The following CD84 variants were observed in gnomAD, a reference collection of about 807,000 sequenced individuals.
The protein encoded by CD84 is CD84 molecule.
CD84 carries 22 observed loss-of-function variants against 33.8 expected under a neutral mutation model. The ratio of observed to expected loss-of-function variants is 0.65; its 90% confidence interval spans 0.46 to 0.93. The LOEUF (loss-of-function observed/expected upper bound fraction) is 0.93, where lower values mean the gene tolerates loss of function less well. Among genes scored for constraint, CD84 ranks in the 40% least tolerant of loss-of-function variants. The pLI, the probability that CD84 is intolerant of heterozygous loss-of-function variation, is 0.00. For synonymous variants in CD84, 154 were observed against 145.2 expected (o/e 1.06, Z -0.44); for missense variants, 400 against 397.6 (o/e 1.01, Z -0.05).
In CD84 at chr1:160,542,637, T is replaced by C. The variant is rs1311804598; in HGVS notation, c.*5619A>G. The C allele has an allele frequency of 2.0e-5, 3 of 152,222 alleles. No homozygotes were observed. The highest frequency in any genetic ancestry group is 2.9e-5 in the Non-Finnish European group (2 of 68,032). The allele number at this position is 152,222 out of a possible 1,614,324, so 9.4% of individuals were successfully genotyped here. On this transcript the variant is annotated 3_prime_UTR_variant, in exon 7 of 7. Coordinates refer to ENST00000368054, the MANE Select transcript of CD84 (RefSeq NM_003874.4). ...TTTGGCCATTTTCCAGTCTCAGAAT[T>C]GATCCATCCCAAACCCAGAGACTTG...
chr1:160,571,716 G>A (rs1437970773), intron 1 of CD84, among the ~76,000 whole-genome samples: 1 of 152,136 alleles, frequency 6.6e-6, no homozygotes, highest in African/African-American at 2.4e-5. Flanking sequence ...TGTCCCCAGT[G>A]GGCCTGCTCT....
At chr1:160,567,590 C>T (rs1657410335) in intron 1 of CD84, among the ~76,000 whole-genome samples, 2 of 152,088 alleles carry the variant, frequency 1.3e-5, no homozygotes, top group Admixed American at 1.3e-4. Flanking sequence ...AACAGGACAT[C>T]GTTGCAGCCC....
At chr1:160,560,066 T>C (rs1656852369) in intron 2 of CD84, among the ~76,000 whole-genome samples, 1 of 152,032 alleles carries the variant, frequency 6.6e-6, no homozygotes, top group African/African-American at 2.4e-5. Context: ...ACACCCTACT[T>C]ACCATATTAG....
Position 160,554,037 on chromosome 1 carries a change from G to T in CD84, c.498C>A (p.Tyr166Ter). Reference protein sequence around the residue: ...SVEKEEKNVTYNWSPLGEEGN... With the variant: ...SVEKEEKNVT ...CCTCTTCTCCCAGGGGACTCCAATT[G>T]TATGTCACATTCTTTTCTTCTTTCT... is the stretch of plus-strand genomic sequence containing the variant. Residue 166 changes from tyrosine (Y) to a stop codon, truncating the protein, a stop_gained, in exon 3 of 7, where the codon TAC becomes TAA. Coordinates refer to ENST00000368054, the MANE Select transcript of CD84 (RefSeq NM_003874.4). LOFTEE classifies it high-confidence loss of function. 6.2e-7 allele frequency: 1 copy of T among 1,614,186 alleles called. No homozygotes were observed. The highest frequency in any genetic ancestry group is 8.5e-7 in the Non-Finnish European group (1 of 1,180,034).
rs1557989426 is a variant in CD84, at chr1:160,579,267, T to C, written c.46+125A>G. On this transcript the variant is annotated intron_variant, in intron 1 of 6. Transcript: ENST00000368054. ...GCCAGTTGGATCCTGTTGAGTACAG[T>C]AGATACTGAGACCCAGGGTGTTCTG... 10 of 1,314,562 alleles carry C rather than the reference T, an allele frequency of 7.6e-6. 1 individual carries two copies. The highest frequency in any genetic ancestry group is 6.4e-6 in the Non-Finnish European group (6 of 935,838). The allele number at this position is 1,314,562 out of a possible 1,614,324, so 81.4% of individuals were successfully genotyped here.
rs1022442333 is a variant in CD84, at chr1:160,541,857, C to T, written c.*6399G>A. The stretch of plus-strand genomic sequence containing the variant: ...AGATTGCTCTTTATGTAATAGCAAC[C>T]CAGGTAACACGTGATAAAGCAATGA... On this transcript the variant is annotated 3_prime_UTR_variant, in exon 7 of 7. Coordinates refer to ENST00000368054, the MANE Select transcript of CD84 (RefSeq NM_003874.4). 1.3e-5 allele frequency: 2 copies of T among 152,066 alleles called. No individual in the cohort carries two copies. Among genetic ancestry groups the T allele is most frequent in the Non-Finnish European group, 1.5e-5 (1 of 68,042 alleles). 9.4% of individuals were successfully genotyped at this position (152,066 alleles called of 1,614,324 possible).
intron 1 of CD84, among the ~76,000 whole-genome samples, 193 bp from the exon 2 acceptor site, chr1:160,565,938 G>A (rs532757123): frequency 6.6e-6 from 1 of 150,814 alleles, no homozygotes; most frequent in South Asian, 2.1e-4. Flanking sequence ...ATTTTCTAAC[G>A]CATTCTCATT....
In CD84 at chr1:160,565,450, C is replaced by G. The variant is rs1440709084; in HGVS notation, c.342G>C (p.Gln114His). 5 of 1,613,482 alleles carry G rather than the reference C, an allele frequency of 3.1e-6. No homozygotes were observed. In the African/African-American group the frequency reaches 6.7e-5, roughly 22 times the overall value. The part of the protein sequence containing the change: ...AGDYKADINT[Q>H]ADPYTTTKRY... ...GCTTGGTGGTGGTGTAGGGATCAGC[C>G]TGTGTATTTATGTCTGCTTTGTAGT... The change falls in exon 2 of 7, where the codon CAG becomes CAC. Residue 114 changes from glutamine to histidine, a missense_variant. Coordinates refer to ENST00000368054, the MANE Select transcript of CD84 (RefSeq NM_003874.4).
chr1:160,571,987 C>T (rs1215800120), intron 1 of CD84, among the ~76,000 whole-genome samples: 1 of 150,916 alleles, frequency 6.6e-6, no homozygotes, highest in Non-Finnish European at 1.5e-5. Context: ...CACACCCTCA[C>T]CTGAAGTGGA....
intron 2 of CD84, among the ~76,000 whole-genome samples, chr1:160,563,434 A>G (rs1015742255): frequency 2.6e-5 from 4 of 152,234 alleles, no homozygotes; most frequent in African/African-American, 9.6e-5. Context: ...GAACAAGATC[A>G]TGTCCTTTTC....
intron 2 of CD84, among the ~76,000 whole-genome samples, chr1:160,554,796 A>G (rs1656494040): frequency 6.6e-6 from 1 of 151,868 alleles, no homozygotes; most frequent in South Asian, 2.1e-4. Flanking sequence ...CATCAATTAC[A>G]ACTATAAGCT....
At chr1:160,570,817 C>G (rs1471462514) in intron 1 of CD84, 1 of 152,292 alleles carries the variant, frequency 6.6e-6, no homozygotes, top group East Asian at 1.9e-4. Flanking sequence ...AAGCCAAGAC[C>G]ACACCACTGC....
intron 2 of CD84, among the ~76,000 whole-genome samples, chr1:160,556,971 T>C (rs571641726): frequency 1.8e-4 from 28 of 152,354 alleles, no homozygotes; most frequent in African/African-American, 6.5e-4. Context: ...GACTACATTA[T>C]TCAAGCCTAG....
chr1:160,550,194 C>T (rs948073718), intron 5 of CD84, among the ~76,000 whole-genome samples: 33 of 151,622 alleles, frequency 2.2e-4, no homozygotes, highest in Admixed American at 1.0e-3. Flanking sequence ...GGCAGGGTCT[C>T]GGGGGTGAAA....
rs571852869 is a variant in CD84 at position 160,575,818 on chromosome 1, G to A, written c.46+3574C>T. ...GCACCGACCATCAGGCTCCTGTTGC[G>A]AAGGTGCTCTGGCTGCCTTGTTGGC... On this transcript the variant is annotated intron_variant, in intron 1 of 6. Coordinates refer to ENST00000368054, the MANE Select transcript of CD84 (RefSeq NM_003874.4). Among the ~76,000 whole-genome samples the A allele has an allele frequency of 9.2e-5, 14 of 152,260 alleles. No homozygotes were observed. In the East Asian group the frequency reaches 1.7e-3, roughly 19 times the overall value.
intron 1 of CD84, among the ~76,000 whole-genome samples, chr1:160,566,544 T>C (rs1657335787): frequency 6.6e-6 from 1 of 152,224 alleles, no homozygotes; most frequent in Non-Finnish European, 1.5e-5. Context: ...TAATTTATAA[T>C]GTAAGTGTTT....
rs1655538154 is a variant in CD84 at position 160,541,486 on chromosome 1, T to C, written c.*6770A>G. On this transcript the variant is annotated 3_prime_UTR_variant, in exon 7 of 7. Coordinates refer to ENST00000368054, the MANE Select transcript of CD84 (RefSeq NM_003874.4). ...TCTATATAATTATCAGAGAATGTGA[T>C]AAAAAGCTACTACTCTGTACTTGTG... The C allele has an allele frequency of 6.6e-6, 1 of 152,176 alleles. No homozygotes were observed. The allele number at this position is 152,176 out of a possible 1,614,324, so 9.4% of individuals were successfully genotyped here. A position where few individuals can be genotyped will look rare whatever the true frequency, so the allele number is the denominator to read the frequency against.
rs759927178 is a variant in CD84, at chr1:160,554,121, T to C, written c.414A>G (p.Thr138=). ...TGTTCACAGATGCCATTAAACTCTG[T>C]GTAATTTTTGGTTTCCCAAGCCGAC... is the stretch of plus-strand genomic sequence containing the variant. The part of the protein sequence containing the change: ...IYRRLGKPKI[T]QSLMASVNST... Residue 138 remains threonine (T), a synonymous_variant, in exon 3 of 7, where the codon ACA becomes ACG. Transcript: ENST00000368054. The C allele has an allele frequency of 9.9e-6, 16 of 1,613,034 alleles. No homozygotes were observed. The highest frequency in any genetic ancestry group is 6.7e-5 in the Admixed American group (4 of 59,980).
At chr1:160,577,680 C>T (rs145040226) in intron 1 of CD84, among the ~76,000 whole-genome samples, 1,628 of 152,248 alleles carry the variant, frequency 0.011, 13 homozygotes, top group East Asian at 0.025. Flanking sequence ...GAATGAAAAG[C>T]GAGTGTGAAA....
Sources: allele counts gnomAD v4.1 joint callset (sites outside exome capture counted in the v4.1 genomes callset), GRCh38; gene constraint gnomAD v4.1.1; transcripts MANE v1.5; gene names NCBI Gene and HGNC (gene_info 2026-07-23, HGNC 2026-07-21).